The following NTNG1 variants were observed in gnomAD, a reference collection of about 807,000 sequenced individuals.
NTNG1 encodes netrin-G1.
In NTNG1, 16 loss-of-function variants were observed where a neutral mutation model predicts 54.0. That is an observed-to-expected ratio of 0.30 (90% CI 0.20 to 0.45). The LOEUF (loss-of-function observed/expected upper bound fraction) is 0.45, where lower values mean the gene tolerates loss of function less well. NTNG1 is among the 20% of genes least tolerant of loss of function. The probability of loss-of-function intolerance (pLI) is 1.00; values close to 1 mark genes in which losing one functional copy is unlikely to be tolerated. For missense variants in NTNG1, 530 were observed against 678.7 expected (o/e 0.78, Z 2.43); for synonymous variants, 255 against 263.1 (o/e 0.97, Z 0.30).
chr1:107,269,799 A>G (rs1186353584), intron 2 of NTNG1, among the ~76,000 whole-genome samples: 1 of 152,218 alleles, frequency 6.6e-6, no homozygotes, highest in Admixed American at 6.5e-5. Context: ...TGGTTGAGTT[A>G]CTTTTAGAGA....
At chr1:107,230,197 A>C (rs4914942) in intron 2 of NTNG1, among the ~76,000 whole-genome samples, 127,136 of 152,172 alleles carry the variant, frequency 0.84, 55,515 homozygotes, top group Non-Finnish European at 0.95. Flanking sequence ...ATCACTTATA[A>C]TAATTATGAA....
chr1:107,387,271 G>A (rs962051169), intron 3 of NTNG1, among the ~76,000 whole-genome samples: 1 of 152,218 alleles, frequency 6.6e-6, no homozygotes, highest in Admixed American at 6.5e-5. Flanking sequence ...CAGTTTGTGA[G>A]TACAGCTAGA....
At chr1:107,290,611 A>G (rs948111942) in intron 2 of NTNG1, among the ~76,000 whole-genome samples, 1 of 152,142 alleles carries the variant, frequency 6.6e-6, no homozygotes, top group Non-Finnish European at 1.5e-5. Flanking sequence ...CAATCCTTAT[A>G]CACAAATATG....
intron 3 of NTNG1, among the ~76,000 whole-genome samples, chr1:107,332,791 A>G (rs1230742220): frequency 2.6e-5 from 4 of 152,086 alleles, no homozygotes; most frequent in Non-Finnish European, 5.9e-5. Flanking sequence ...TTTCAATTCA[A>G]TAAGCCACTT....
At chr1:107,160,765 G>A (rs1474072156) in intron 2 of NTNG1, among the ~76,000 whole-genome samples, 1 of 152,002 alleles carries the variant, frequency 6.6e-6, no homozygotes, top group Non-Finnish European at 1.5e-5. Flanking sequence ...CCCTTTTGCT[G>A]TTCCTTGTAA....
intron 3 of NTNG1, among the ~76,000 whole-genome samples, chr1:107,377,308 C>T (rs1204355246): frequency 6.6e-6 from 1 of 152,136 alleles, no homozygotes; most frequent in Non-Finnish European, 1.5e-5. Context: ...CAGTCACCAC[C>T]ACACCTCCAA....
intron 2 of NTNG1, among the ~76,000 whole-genome samples, chr1:107,318,998 G>T (rs189356186): frequency 7.2e-5 from 11 of 152,226 alleles, no homozygotes; most frequent in African/African-American, 2.6e-4. Flanking sequence ...TATGTTTGTG[G>T]TGCTGATCTT....
chr1:107,189,162 G>A lies in NTNG1; in HGVS notation c.246+40323G>A, dbSNP rs542500864. 1.5e-4 allele frequency among the ~76,000 whole-genome samples: 23 copies of A among 151,872 alleles called. No homozygotes were observed. The East Asian group carries it at 2.3e-3, about 16-fold the overall frequency. ...AGGCCAGGAGTTCAAGACTAGCCTG[G>A]CCACGTGGCGAAACTCCTTCTCTAC... On this transcript the variant is annotated intron_variant, in intron 2 of 7. Coordinates refer to ENST00000370068, the MANE Select transcript of NTNG1 (RefSeq NM_001113226.3).
At chr1:107,475,682 G>A (rs1678271984) in intron 7 of NTNG1, among the ~76,000 whole-genome samples, 1 of 152,112 alleles carries the variant, frequency 6.6e-6, no homozygotes, top group Non-Finnish European at 1.5e-5. Flanking sequence ...AATATATCAG[G>A]GACAACTGCC....
chr1:107,435,428 A>G (rs1165745144), intron 6 of NTNG1, among the ~76,000 whole-genome samples: 1 of 152,176 alleles, frequency 6.6e-6, no homozygotes, highest in Non-Finnish European at 1.5e-5. Flanking sequence ...ATAACTATTC[A>G]TCATATAAAT....
At chr1:107,208,765 A>C (rs1229620017) in intron 2 of NTNG1, among the ~76,000 whole-genome samples, 1 of 152,050 alleles carries the variant, frequency 6.6e-6, no homozygotes, top group African/African-American at 2.4e-5. Flanking sequence ...AGGGTGCCTC[A>C]GTTTCTCAGG....
intron 2 of NTNG1, among the ~76,000 whole-genome samples, chr1:107,319,686 A>G (rs978904599): frequency 3.3e-5 from 5 of 152,026 alleles, no homozygotes; most frequent in Non-Finnish European, 7.4e-5. Flanking sequence ...CGCGTCTCAC[A>G]TTCACTTGTG....
chr1:107,301,147 TA>T (rs1302647982), intron 2 of NTNG1, among the ~76,000 whole-genome samples: 5 of 152,184 alleles, frequency 3.3e-5, no homozygotes, highest in Admixed American at 6.6e-5. Flanking sequence ...TATATTGCTT[TA>T]AAAAATTTAA....
intron 7 of NTNG1, among the ~76,000 whole-genome samples, chr1:107,472,528 T>G (rs1490096326): frequency 6.6e-6 from 1 of 152,166 alleles, no homozygotes; most frequent in South Asian, 2.1e-4. Context: ...TGGGTGGATG[T>G]TGGACAAACG....
At chr1:107,469,873 T>C (rs1031994680) in intron 7 of NTNG1, among the ~76,000 whole-genome samples, 2 of 151,870 alleles carry the variant, frequency 1.3e-5, no homozygotes, top group South Asian at 4.1e-4. Flanking sequence ...AGAAATAGTT[T>C]TTTTTTTTAA....
intron 5 of NTNG1, 31 bp from the exon 6 acceptor site, chr1:107,430,719 C>A (rs759494534): frequency 2.5e-6 from 4 of 1,592,716 alleles, no homozygotes; most frequent in Non-Finnish European, 3.4e-6. Flanking sequence ...ACTGTATACA[C>A]TCTGTATACA....
chr1:107,322,009 G>A (rs574610572), intron 2 of NTNG1, among the ~76,000 whole-genome samples: 1 of 152,184 alleles, frequency 6.6e-6, no homozygotes, highest in African/African-American at 2.4e-5. Flanking sequence ...AATGTACGTA[G>A]TGTCCAGCAC....
At chr1:107,418,582 C>A in intron 5 of NTNG1, 2 of 1,599,864 alleles carry the variant, frequency 1.3e-6, no homozygotes, top group African/African-American at 1.3e-5. Context: ...GCGTGCAGAT[C>A]CTCCAAAGTT....
At chr1:107,457,868 G>A (rs570418011) in intron 7 of NTNG1, among the ~76,000 whole-genome samples, 2 of 152,158 alleles carry the variant, frequency 1.3e-5, no homozygotes, top group African/African-American at 4.8e-5. Context: ...TTTGTGTTAT[G>A]AGTACTGTAA....
Sources: gnomAD v4.1 joint callset for allele counts (sites outside exome capture counted in the v4.1 genomes callset) on GRCh38, gnomAD v4.1.1 for gene constraint, MANE v1.5 for transcripts, NCBI Gene and HGNC (gene_info 2026-07-23, HGNC 2026-07-21) for gene names.